Variants in CSTF3 observed in about 807,000 individuals in gnomAD.
The protein encoded by CSTF3 is cleavage stimulation factor subunit 3.
Under a neutral mutation model 105.8 loss-of-function variants are expected in CSTF3, and 29 were observed. The observed-to-expected ratio is 0.27, with a 90% CI of 0.20 to 0.37. The LOEUF (loss-of-function observed/expected upper bound fraction) is 0.37. CSTF3 is among the 10% of genes least tolerant of loss of function. CSTF3 has a pLI of 1.00. For missense variants in CSTF3, 357 were observed against 879.3 expected, an observed-to-expected ratio of 0.41 and a Z score of 7.51; for synonymous variants, 252 against 281.9, an observed-to-expected ratio of 0.89 and a Z score of 1.06.
chr11:33,126,241 C>T (rs1420459743), intron 3 of CSTF3, among the ~76,000 whole-genome samples: 1 of 152,094 alleles, frequency 6.6e-6, no homozygotes, highest in African/African-American at 2.4e-5. Context: ...GGGAGGATTG[C>T]TTGAGCCCGA....
intron 1 of CSTF3, among the ~76,000 whole-genome samples, chr11:33,142,603 A>G (rs11032166): frequency 0.21 from 31,531 of 152,160 alleles, 3,910 homozygotes; most frequent in East Asian, 0.35. Context: ...TTATGGTCTC[A>G]GGACCCCTCT....
intron 3 of CSTF3, among the ~76,000 whole-genome samples, chr11:33,130,440 T>A (rs905463597): frequency 2.6e-5 from 4 of 152,098 alleles, no homozygotes. Flanking sequence ...GCCACTACAC[T>A]CCAGCCTGGG....
chr11:33,087,229 T>C lies in CSTF3; in HGVS notation c.1642-88A>G, dbSNP rs980029885. The C allele has an allele frequency of 8.0e-6, 11 of 1,379,790 alleles. No homozygotes were observed. The Admixed American group carries it at 1.2e-4, about 15-fold the overall frequency. The allele number at this position is 1,379,790 out of a possible 1,614,324, so 85.5% of individuals were successfully genotyped here. ...AATAACCTTGAGGATACAGTGTGAA[T>C]ATCTGGGTCAAAACCACAGAAAGAA... On this transcript the variant is annotated intron_variant, in intron 17 of 20. Transcript: ENST00000323959.
chr11:33,153,712 CAAA>C (rs35247715), intron 1 of CSTF3, among the ~76,000 whole-genome samples: 2 of 121,804 alleles, frequency 1.6e-5, no homozygotes, highest in Admixed American at 8.1e-5. Flanking sequence ...GTAAAACAGA[CAAA>C]AAAAAAAAAA....
chr11:33,085,041 C>G lies in CSTF3; in HGVS notation c.*46G>C. ...TCTCTTTTAAACATACCACTTGAGG[C>G]AAAAGGAATCCTGGACAGGAGTTTT... On this transcript the variant is annotated 3_prime_UTR_variant, in exon 21 of 21. Transcript: ENST00000323959. The G allele has an allele frequency of 6.2e-7, 1 of 1,601,046 alleles. No homozygotes were observed.
At chr11:33,098,876 A>G in intron 12 of CSTF3, 112 bp from the exon 13 acceptor site, 1 of 1,267,824 alleles carries the variant, frequency 7.9e-7, no homozygotes, top group Non-Finnish European at 1.1e-6. Flanking sequence ...ATCTCCATTG[A>G]GCATAAATAT....
chr11:33,142,052 A>C (rs1855718137), intron 1 of CSTF3, 66 bp from the exon 2 acceptor site: 2 of 1,600,160 alleles, frequency 1.2e-6, no homozygotes, highest in Admixed American at 1.8e-5. Flanking sequence ...AACTTAATTC[A>C]TGAACAATAA....
intron 1 of CSTF3, among the ~76,000 whole-genome samples, chr11:33,149,756 C>T (rs1185640215): frequency 5.9e-5 from 9 of 152,252 alleles, no homozygotes; most frequent in East Asian, 1.9e-4. Flanking sequence ...TGGTGGCTTA[C>T]GCCTGTAATC....
At chr11:33,100,131 C>T (rs1277091178) in intron 10 of CSTF3, among the ~76,000 whole-genome samples, 5 of 152,044 alleles carry the variant, frequency 3.3e-5, no homozygotes, top group Middle Eastern at 3.4e-3. Context: ...CCAAGGCAGG[C>T]GGATCATAAG....
intron 3 of CSTF3, among the ~76,000 whole-genome samples, chr11:33,133,530 A>G (rs938806562): frequency 2.0e-5 from 3 of 152,230 alleles, no homozygotes; most frequent in South Asian, 2.1e-4. Context: ...GCTAAAACCT[A>G]TAACCTAAAT....
chr11:33,089,725 C>G (rs1410989717), intron 17 of CSTF3, among the ~76,000 whole-genome samples: 1 of 152,150 alleles, frequency 6.6e-6, no homozygotes, highest in East Asian at 1.9e-4. Context: ...GAGCAAGACC[C>G]AGGCTAAAAG....
At chr11:33,105,081 G>T (rs1196709716) in intron 8 of CSTF3, among the ~76,000 whole-genome samples, 2 of 151,946 alleles carry the variant, frequency 1.3e-5, no homozygotes, top group East Asian at 1.9e-4. Flanking sequence ...GAGCTTATTT[G>T]GCATGTGTAT....
chr11:33,098,801 G>T, intron 12 of CSTF3, 37 bp from the exon 13 acceptor site: 2 of 1,391,468 alleles, frequency 1.4e-6, no homozygotes, highest in Middle Eastern at 1.9e-4. Flanking sequence ...TCAACATATG[G>T]TCATAAATAA....
At chr11:33,145,050 T>C (rs1240451971) in intron 1 of CSTF3, 1 of 149,056 alleles carries the variant, frequency 6.7e-6, no homozygotes, top group Non-Finnish European at 1.5e-5. Context: ...AGTACCAAAA[T>C]AAAAAAAGAC....
intron 3 of CSTF3, among the ~76,000 whole-genome samples, chr11:33,123,907 T>A (rs1855518408): frequency 6.6e-6 from 1 of 152,054 alleles, no homozygotes; most frequent in Admixed American, 6.5e-5. Flanking sequence ...TATACATATG[T>A]GTATACATAT....
chr11:33,153,672 A>C lies in CSTF3; in HGVS notation c.27+7627T>G, dbSNP rs184418397. Among the ~76,000 whole-genome samples the C allele has an allele frequency of 4.0e-5, 6 of 150,542 alleles. No homozygotes were observed. In the East Asian group the frequency reaches 5.9e-4, roughly 15 times the overall value. On this transcript the variant is annotated intron_variant, in intron 1 of 20. Transcript: ENST00000323959. ...TAGTAATAATAACAATAATAATAAT[A>C]ATCTAATTTCTTCCATTTCGACCAT...
In CSTF3 at chr11:33,098,966, C is replaced by T. The variant is rs1855252388; in HGVS notation, c.1053+68G>A. 14 of 1,516,250 alleles carry T rather than the reference C, an allele frequency of 9.2e-6. No individual in the cohort carries two copies. The South Asian group carries it at 1.4e-4, about 15-fold the overall frequency. The allele number at this position is 1,516,250 out of a possible 1,614,324, so 93.9% of individuals were successfully genotyped here. ...AGCAATATGCCTGGCAAACAAGCAG[C>T]CAGAAAAAAAGTTCAGTCCTGCACT... is the stretch of plus-strand genomic sequence containing the variant. On this transcript the variant is annotated intron_variant, in intron 12 of 20. Transcript: ENST00000323959.
intron 9 of CSTF3, 147 bp from the exon 10 acceptor site, chr11:33,102,486 G>A (rs1199326920): frequency 2.8e-6 from 2 of 724,422 alleles, no homozygotes; most frequent in Non-Finnish European, 2.2e-6. Context: ...CTATTTAAGA[G>A]TAGAGAGAAA....
At chr11:33,145,126 C>T (rs1855765384) in intron 1 of CSTF3, among the ~76,000 whole-genome samples, 1 of 152,014 alleles carries the variant, frequency 6.6e-6, no homozygotes, top group Non-Finnish European at 1.5e-5. Context: ...ATCAATAAAC[C>T]ACCAGTGGTT....
Sources: gnomAD v4.1 joint callset for allele counts (sites outside exome capture counted in the v4.1 genomes callset) on GRCh38, gnomAD v4.1.1 for gene constraint, MANE v1.5 for transcripts, NCBI Gene and HGNC (gene_info 2026-07-23, HGNC 2026-07-21) for gene names.